The following SMOC2 variants were observed in gnomAD, a reference collection of about 807,000 sequenced individuals.
SMOC2 encodes the protein SPARC related modular calcium binding 2.
A neutral mutation model predicts 61.4 loss-of-function variants in SMOC2; 39 were observed. That is an observed-to-expected ratio of 0.64 (90% CI 0.49 to 0.83). The LOEUF (loss-of-function observed/expected upper bound fraction) is 0.83, where lower values mean the gene tolerates loss of function less well. Ranked by LOEUF, SMOC2 falls within the 40% of genes least tolerant of loss-of-function variation. The probability of loss-of-function intolerance (pLI) is 0.00; values close to 1 mark genes in which losing one functional copy is unlikely to be tolerated. For synonymous variants in SMOC2, 247 were observed against 239.9 expected (o/e 1.03, Z -0.27); for missense variants, 556 against 592.9 (o/e 0.94, Z 0.65).
At chr6:168,529,264 A>C (rs750908407) in intron 4 of SMOC2, among the ~76,000 whole-genome samples, 17 of 152,046 alleles carry the variant, frequency 1.1e-4, no homozygotes, top group South Asian at 2.1e-4. Context: ...TGGGGAAGAG[A>C]GTAGATGGCC....
chr6:168,501,316 G>A (rs1434789513), intron 1 of SMOC2, among the ~76,000 whole-genome samples: 2 of 152,178 alleles, frequency 1.3e-5, no homozygotes, highest in Non-Finnish European at 2.9e-5. Context: ...ACATGGATGT[G>A]GAGACAGGGA....
intron 1 of SMOC2, among the ~76,000 whole-genome samples, chr6:168,457,705 C>T (rs1350195814): frequency 2.0e-5 from 3 of 152,106 alleles, no homozygotes; most frequent in East Asian, 3.9e-4. Flanking sequence ...GGTGCCGCCT[C>T]CTCTCTGGGG....
In SMOC2 at chr6:168,452,373, A is replaced by G. The variant is rs1562536266; in HGVS notation, c.84+10919A>G. Among the ~76,000 whole-genome samples, 1 of 152,098 alleles carries G rather than the reference A, an allele frequency of 6.6e-6. No individual in the cohort carries two copies. The highest frequency in any genetic ancestry group is 1.5e-5 in the Non-Finnish European group (1 of 68,026). On this transcript the variant is annotated intron_variant, in intron 1 of 12. Transcript: ENST00000356284. This position sits in a 1 kb window ranked among gnomAD's most constrained non-coding sequence, Gnocchi z 5.0. ...TAAAATAACCAGAGTAAGCAGGGGG[A>G]GTGTGAGGCGGGCTGCCTGCCTGGG...
chr6:168,663,520 G>A (rs1787574942), intron 11 of SMOC2, among the ~76,000 whole-genome samples: 1 of 152,128 alleles, frequency 6.6e-6, no homozygotes, highest in Non-Finnish European at 1.5e-5. Context: ...AGCTCTCCAG[G>A]GAAGGTGGAT....
At chr6:168,456,120 C>T (rs1221909756) in intron 1 of SMOC2, among the ~76,000 whole-genome samples, 1 of 152,232 alleles carries the variant, frequency 6.6e-6, no homozygotes, top group African/African-American at 2.4e-5. Flanking sequence ...CTGCTTGGAG[C>T]TGGACGTGTG....
At position 168,554,017 on chromosome 6, in the gene SMOC2, G is replaced by A. The variant is rs184614230; in HGVS notation, c.637+4814G>A. ...CCATGGGACGAGTCGGTTAAAACTC[G>A]CGTTTGAACTGCATGTGCACGGTGC... On this transcript the variant is annotated intron_variant, in intron 7 of 12. Transcript: ENST00000356284. Among the ~76,000 whole-genome samples the A allele has an allele frequency of 2.5e-3, 351 of 140,172 alleles. 1 individual carries two copies. Among genetic ancestry groups the A allele is most frequent in the Non-Finnish European group, 3.8e-3 (251 of 66,268 alleles). 92.0% of individuals were successfully genotyped at this position (140,172 alleles called of 152,430 possible). A position where few individuals can be genotyped will look rare whatever the true frequency, so the allele number is the denominator to read the frequency against.
At position 168,452,409 on chromosome 6, in the gene SMOC2, G is replaced by A. The variant is rs1265756124; in HGVS notation, c.84+10955G>A. ...GGCTGCCTGCCTGGGGCCTGGACTG[G>A]CTAAATAGGGTGCTATTTTCTTTTT... On this transcript the variant is annotated intron_variant, in intron 1 of 12. Coordinates refer to ENST00000356284, the MANE Select transcript of SMOC2 (RefSeq NM_001166412.2). The surrounding 1 kb of genome is among the most constrained non-coding windows in gnomAD (Gnocchi z 5.0). Among the ~76,000 whole-genome samples, 2 of 152,178 alleles carry A rather than the reference G, an allele frequency of 1.3e-5. No individual in the cohort carries two copies. The highest frequency in any genetic ancestry group is 2.9e-5 in the Non-Finnish European group (2 of 68,032).
intron 11 of SMOC2, among the ~76,000 whole-genome samples, chr6:168,659,737 G>T (rs1216361219): frequency 2.7e-5 from 4 of 147,806 alleles, no homozygotes; most frequent in African/African-American, 9.9e-5. Flanking sequence ...GAGGTTGTAG[G>T]TTGGGTGAGG....
At chr6:168,648,074 A>G (rs897774920) in intron 9 of SMOC2, among the ~76,000 whole-genome samples, 2 of 152,080 alleles carry the variant, frequency 1.3e-5, no homozygotes, top group African/African-American at 4.8e-5. Flanking sequence ...ACAGCCAAAA[A>G]AAATCCCCCT....
intron 9 of SMOC2, 115 bp from the exon 10 acceptor site, chr6:168,650,566 T>C: frequency 1.1e-5 from 10 of 897,526 alleles, no homozygotes; most frequent in Non-Finnish European, 1.5e-5. Flanking sequence ...CTCATTAAGA[T>C]TAAGGTAGGC....
At chr6:168,577,385 G>C (rs1386640485) in intron 7 of SMOC2, among the ~76,000 whole-genome samples, 3 of 152,156 alleles carry the variant, frequency 2.0e-5, no homozygotes, top group Non-Finnish European at 2.9e-5. Context: ...TTTAGTCTCT[G>C]TAAGACTCTG....
chr6:168,658,342 G>A (rs1255242875), intron 11 of SMOC2, among the ~76,000 whole-genome samples: 1 of 152,176 alleles, frequency 6.6e-6, no homozygotes, highest in Non-Finnish European at 1.5e-5. Context: ...TCTGTAGAAG[G>A]CTAATTTTTA....
chr6:168,559,417 T>G (rs1017850522), intron 7 of SMOC2, among the ~76,000 whole-genome samples: 2 of 151,660 alleles, frequency 1.3e-5, no homozygotes, highest in African/African-American at 4.9e-5. Flanking sequence ...ATTGTACCAC[T>G]GCACTCTAGC....
At chr6:168,605,784 C>T (rs1347972538) in intron 8 of SMOC2, among the ~76,000 whole-genome samples, 1 of 152,162 alleles carries the variant, frequency 6.6e-6, no homozygotes, top group Admixed American at 6.5e-5. Flanking sequence ...CAACAGAGTT[C>T]ATGTTAACAC....
intron 1 of SMOC2, among the ~76,000 whole-genome samples, chr6:168,481,955 A>G (rs1220973582): frequency 6.6e-6 from 1 of 151,918 alleles, no homozygotes; most frequent in Non-Finnish European, 1.5e-5. Context: ...AAATAAGAAA[A>G]AAACCTAACT....
At chr6:168,458,970 C>T (rs1031905370) in intron 1 of SMOC2, among the ~76,000 whole-genome samples, 1 of 152,166 alleles carries the variant, frequency 6.6e-6, no homozygotes, top group Non-Finnish European at 1.5e-5. Flanking sequence ...CCTCTGTTGT[C>T]ATCAACAGTG....
intron 1 of SMOC2, among the ~76,000 whole-genome samples, chr6:168,474,161 G>C (rs948887269): frequency 1.3e-5 from 2 of 152,128 alleles, no homozygotes; most frequent in Non-Finnish European, 2.9e-5. Context: ...GGGGAGGAAA[G>C]CCCCCTGGGG....
At chr6:168,581,854 C>G (rs112397345) in intron 7 of SMOC2, among the ~76,000 whole-genome samples, 1 of 152,088 alleles carries the variant, frequency 6.6e-6, no homozygotes. Flanking sequence ...ACACATGGGG[C>G]CTGCACTCAG....
At chr6:168,526,543 G>C (rs770571943) in intron 3 of SMOC2, 91 bp downstream of exon 3, 10 of 983,712 alleles carry the variant, frequency 1.0e-5, no homozygotes, top group Non-Finnish European at 1.6e-5. Flanking sequence ...GGGGGGAGCC[G>C]AACAGAAGAA....
Sources: gnomAD v4.1 joint callset for allele counts (sites outside exome capture counted in the v4.1 genomes callset) on GRCh38, gnomAD v4.1.1 for gene constraint, Gnocchi (gnomAD v3.1) non-coding constraint, MANE v1.5 for transcripts, NCBI Gene and HGNC (gene_info 2026-07-23, HGNC 2026-07-21) for gene names.